The following NPC1 variants were observed in gnomAD, a reference collection of about 807,000 sequenced individuals.
NPC1 encodes Niemann-Pick C1 protein.
NPC1 carries 85 observed loss-of-function variants against 140.4 expected under a neutral mutation model. The ratio of observed to expected loss-of-function variants is 0.61; its 90% CI spans 0.51 to 0.72. The LOEUF (loss-of-function observed/expected upper bound fraction) is 0.72, where lower values mean the gene tolerates loss of function less well. Ranked by LOEUF, NPC1 falls within the 30% of genes least tolerant of loss-of-function variation. The pLI is 0.00. For synonymous variants in NPC1, 656 were observed against 624.8 expected (o/e 1.05, Z -0.74); for missense variants, 1,504 against 1,623.8 (o/e 0.93, Z 1.27).
intron 1 of NPC1, among the ~76,000 whole-genome samples, chr18:23,576,079 C>T (rs2059273207): frequency 6.6e-6 from 1 of 152,036 alleles, no homozygotes; most frequent in South Asian, 2.1e-4. Context: ...CAAAATTAGC[C>T]AGGTGTGGGG....
At chr18:23,584,110 G>A (rs1327453010) in intron 1 of NPC1, among the ~76,000 whole-genome samples, 1 of 152,144 alleles carries the variant, frequency 6.6e-6, no homozygotes, top group Non-Finnish European at 1.5e-5. Context: ...TGACTACAGG[G>A]TTTTAAAAAC....
intron 3 of NPC1, among the ~76,000 whole-genome samples, chr18:23,571,139 T>C (rs1427413416): frequency 9.2e-5 from 14 of 152,094 alleles, no homozygotes. Context: ...TGAATGCAAC[T>C]GGGAAGTGAA....
At chr18:23,557,213 T>G (rs1284044342) in intron 6 of NPC1, 23 bp from the exon 7 acceptor site, 3 of 1,575,138 alleles carry the variant, frequency 1.9e-6, no homozygotes, top group Non-Finnish European at 2.6e-6. Context: ...AGTGAAGAAA[T>G]AGCATTAGTG....
chr18:23,527,589 C>CTTTT (rs71163615), downstream of NPC1, among the ~76,000 whole-genome samples: 28 of 108,342 alleles, frequency 2.6e-4, no homozygotes, highest in Non-Finnish European at 3.9e-4. Context: ...CCTGCTATAG[C>CTTTT]TTTTTTTTTT....
At chr18:23,579,324 T>G (rs1461323038) in intron 1 of NPC1, among the ~76,000 whole-genome samples, 1 of 152,216 alleles carries the variant, frequency 6.6e-6, no homozygotes, top group African/African-American at 2.4e-5. Flanking sequence ...AATTCCCTAT[T>G]GTATTACATC....
At chr18:23,568,772 C>T in intron 4 of NPC1, 51 bp downstream of exon 4, 1 of 1,453,554 alleles carries the variant, frequency 6.9e-7, no homozygotes, top group Non-Finnish European at 9.7e-7. Flanking sequence ...ACAATTTGCT[C>T]TGCTGTCCTG....
chr18:23,559,506 T>TTC (rs1178852620), intron 6 of NPC1, among the ~76,000 whole-genome samples: 1 of 145,982 alleles, frequency 6.9e-6, no homozygotes, highest in African/African-American at 2.6e-5. Flanking sequence ...TTTTTTTTTT[T>TTC]TTTTTTTTTT....
At chr18:23,550,448 C>A (rs1025490534) in intron 10 of NPC1, among the ~76,000 whole-genome samples, 2 of 144,526 alleles carry the variant, frequency 1.4e-5, no homozygotes, top group Non-Finnish European at 3.0e-5. Flanking sequence ...TTTAAAAATG[C>A]CTCCTGAATT....
chr18:23,586,026 TAC>T (rs1408056762), intron 1 of NPC1, among the ~76,000 whole-genome samples: 1 of 152,220 alleles, frequency 6.6e-6, no homozygotes, highest in African/African-American at 2.4e-5. Context: ...TGCCACATCC[TAC>T]ACAGAGAAAT....
intron 1 of NPC1, among the ~76,000 whole-genome samples, chr18:23,576,205 C>A (rs1238945816): frequency 6.6e-6 from 1 of 152,026 alleles, no homozygotes; most frequent in Non-Finnish European, 1.5e-5. Context: ...GCCTGGGCAA[C>A]AAGAGCTAAA....
intron 3 of NPC1, among the ~76,000 whole-genome samples, chr18:23,516,804 C>T (rs747623898): frequency 2.0e-5 from 3 of 151,212 alleles, no homozygotes; most frequent in Non-Finnish European, 2.9e-5. Context: ...CGGCTCACTG[C>T]AGCCTCCACC....
At chr18:23,559,287 T>C (rs1364386061) in intron 6 of NPC1, among the ~76,000 whole-genome samples, 1 of 152,200 alleles carries the variant, frequency 6.6e-6, no homozygotes, top group East Asian at 1.9e-4. Flanking sequence ...AGATGTACTA[T>C]GAGTTATGTA....
rs149795082 is a variant in NPC1, at chr18:23,538,790, C to T, written c.2912-119G>A. 3.5e-3 allele frequency: 3,726 copies of T among 1,062,562 alleles called. 14 individuals are homozygous for T. Among genetic ancestry groups the T allele is most frequent in the Non-Finnish European group, 4.7e-3 (3,272 of 697,198 alleles). The allele number at this position is 1,062,562 out of a possible 1,614,324, so 65.8% of individuals were successfully genotyped here. On this transcript the variant is annotated intron_variant, in intron 19 of 24. Transcript: ENST00000269228. ...TCTTCTCTATCGATTACTTTCCTTACTAGTGAGGGATAATCTTTCCCCTTA... is the reference window on the plus strand; with the variant it reads ...TCTTCTCTATCGATTACTTTCCTTATTAGTGAGGGATAATCTTTCCCCTTA...
intron 18 of NPC1, 39 bp downstream of exon 18, chr18:23,539,772 C>T (rs777284871): frequency 8.7e-6 from 14 of 1,604,132 alleles, no homozygotes; most frequent in Middle Eastern, 1.8e-4. Flanking sequence ...TGAGAGCCTC[C>T]TCCGCTGCTT....
chr18:23,521,348 A>C (rs1198120684), downstream of NPC1, among the ~76,000 whole-genome samples: 2 of 152,248 alleles, frequency 1.3e-5, no homozygotes, highest in African/African-American at 4.8e-5. Context: ...ATACACCCGT[A>C]ACGTTTTCTG....
intron 1 of NPC1, among the ~76,000 whole-genome samples, chr18:23,578,835 C>G (rs958958618): frequency 2.6e-5 from 4 of 152,206 alleles, no homozygotes; most frequent in Admixed American, 2.6e-4. Flanking sequence ...ATGAAAATCT[C>G]AGGCACCTTT....
chr18:23,567,253 C>T (rs569853528), intron 4 of NPC1, among the ~76,000 whole-genome samples: 3 of 152,238 alleles, frequency 2.0e-5, no homozygotes, highest in South Asian at 4.1e-4. Context: ...GTGGCTGTAC[C>T]GTTTTGTACT....
In NPC1 at chr18:23,544,946, C is replaced by CCCCG. The variant is rs1555634644; in HGVS notation, c.1947+13_1947+14insCGGG. On this transcript the variant is annotated intron_variant, in intron 12 of 24. Transcript: ENST00000269228. Reference sequence around the variant, plus strand: ...GTTAACCTCTAGAACATACACCACCCCCCCCCGGCTTACCAGAAGCCTGCG... The same window carrying CCCCG: ...GTTAACCTCTAGAACATACACCACCCCCCGCCCCCCGGCTTACCAGAAGCCTGCG... 20 of 1,329,696 alleles carry CCCCG rather than the reference C, an allele frequency of 1.5e-5. 1 individual carries two copies. In the Admixed American group the frequency reaches 1.6e-4, roughly 11 times the overall value. The allele number at this position is 1,329,696 out of a possible 1,614,324, so 82.4% of individuals were successfully genotyped here. A position where few individuals can be genotyped will look rare whatever the true frequency, so the allele number is the denominator to read the frequency against.
intron 23 of NPC1, 133 bp downstream of exon 23, chr18:23,534,313 A>C: frequency 4.2e-6 from 3 of 711,680 alleles, no homozygotes; most frequent in Non-Finnish European, 5.1e-6. Context: ...TGTGGCAGCT[A>C]ATTCATGAAT....
Sources: allele counts gnomAD v4.1 joint callset (sites outside exome capture counted in the v4.1 genomes callset), GRCh38; gene constraint gnomAD v4.1.1; transcripts MANE v1.5; gene names NCBI Gene and HGNC (gene_info 2026-07-23, HGNC 2026-07-21).